Variants in AP2B1 observed in about 807,000 individuals in gnomAD.
The protein encoded by AP2B1 is AP-2 complex subunit beta.
In AP2B1, 23 loss-of-function variants were observed where a neutral mutation model predicts 102.0. The ratio of observed to expected loss-of-function variants is 0.23; its 90% CI spans 0.16 to 0.32. The LOEUF (loss-of-function observed/expected upper bound fraction) is 0.32. Ranked by LOEUF, AP2B1 falls within the 10% of genes least tolerant of loss-of-function variation. The pLI is 1.00. For synonymous variants in AP2B1, 381 were observed against 421.2 expected (o/e 0.90, Z 1.17); for missense variants, 541 against 1,157.4 (o/e 0.47, Z 7.73).
At position 35,725,077 on chromosome 17, in the gene AP2B1, T is replaced by C. The variant is rs914472181; in HGVS notation, c.*1378T>C. The C allele has an allele frequency of 2.0e-5, 3 of 152,232 alleles. No individual in the cohort carries two copies. In the East Asian group the frequency reaches 5.8e-4, roughly 29 times the overall value. 9.4% of individuals were successfully genotyped at this position (152,232 alleles called of 1,614,324 possible). Reference sequence around the variant, plus strand: ...TGCTCTTTCTTCATGATACTTAGTCTGCAGGGCATATTAAGATCATCCCAG... The same window carrying C: ...TGCTCTTTCTTCATGATACTTAGTCCGCAGGGCATATTAAGATCATCCCAG... On this transcript the variant is annotated 3_prime_UTR_variant, in exon 22 of 22. Coordinates refer to ENST00000610402, the MANE Select transcript of AP2B1 (RefSeq NM_001030006.2).
intron 18 of AP2B1, 49 bp from the exon 19 acceptor site, chr17:35,709,175 A>G (rs1555586209): frequency 3.3e-6 from 5 of 1,523,634 alleles, no homozygotes; most frequent in South Asian, 1.1e-5. Context: ...TTTTCCTCCT[A>G]CCTGGCTCCC....
chr17:35,622,192 T>A (rs1486446369), intron 5 of AP2B1, among the ~76,000 whole-genome samples: 2 of 152,206 alleles, frequency 1.3e-5, no homozygotes. Flanking sequence ...GTGGGCTAGA[T>A]AAGTTTTCCT....
At chr17:35,659,482 C>T (rs1172971363) in intron 14 of AP2B1, among the ~76,000 whole-genome samples, 1 of 152,236 alleles carries the variant, frequency 6.6e-6, no homozygotes, top group African/African-American at 2.4e-5. Flanking sequence ...TCATATTTTA[C>T]ATAGCTGCCC....
At chr17:35,605,326 G>A (rs1003202724) in intron 3 of AP2B1, among the ~76,000 whole-genome samples, 13 of 149,218 alleles carry the variant, frequency 8.7e-5, no homozygotes, top group African/African-American at 2.7e-4. Context: ...TCAGCTCACC[G>A]CAAACTCTGC....
chr17:35,615,494 C>G (rs1164838529), intron 5 of AP2B1, among the ~76,000 whole-genome samples: 1 of 152,160 alleles, frequency 6.6e-6, no homozygotes, highest in East Asian at 1.9e-4. Context: ...AAAATGCCAT[C>G]TGTCTAGATC....
rs1337572136 is a variant in AP2B1, at chr17:35,671,990, TAAATC to T, written c.2178+94_2178+98del. On this transcript the variant is annotated intron_variant, in intron 16 of 21. Coordinates refer to ENST00000610402, the MANE Select transcript of AP2B1 (RefSeq NM_001030006.2). ...ACATTTGTGTTACTTCTACTGGTAATAAATCAAAGGTTTGGGCCCTTGTTCTGGAG... is the reference window on the plus strand; with the variant it reads ...ACATTTGTGTTACTTCTACTGGTAATAAAGGTTTGGGCCCTTGTTCTGGAG... 6.2e-6 allele frequency: 9 copies of T among 1,458,980 alleles called. No individual in the cohort carries two copies. The Admixed American group carries it at 1.3e-4, about 21-fold the overall frequency. The allele number at this position is 1,458,980 out of a possible 1,614,324, so 90.4% of individuals were successfully genotyped here. A position where few individuals can be genotyped will look rare whatever the true frequency, so the allele number is the denominator to read the frequency against.
chr17:35,717,604 C>T (rs2085216554), intron 21 of AP2B1, among the ~76,000 whole-genome samples: 1 of 152,196 alleles, frequency 6.6e-6, no homozygotes, highest in Admixed American at 6.5e-5. Flanking sequence ...TACAGAGTTG[C>T]TCACAAAACT....
intron 18 of AP2B1, among the ~76,000 whole-genome samples, chr17:35,685,435 A>G (rs1249507516): frequency 6.6e-6 from 1 of 152,234 alleles, no homozygotes; most frequent in Admixed American, 6.5e-5. Flanking sequence ...AAAGCCAGGT[A>G]AAGATTGATC....
chr17:35,693,577 G>T (rs889632083), intron 18 of AP2B1, among the ~76,000 whole-genome samples: 1 of 152,114 alleles, frequency 6.6e-6, no homozygotes, highest in Admixed American at 6.6e-5. Context: ...AATCCATTTA[G>T]AAGGAGGGAC....
intron 2 of AP2B1, 38 bp from the exon 3 acceptor site, chr17:35,598,192 G>A: frequency 7.5e-7 from 1 of 1,338,188 alleles, no homozygotes; most frequent in Non-Finnish European, 1.1e-6. Context: ...TAAGTCTGTG[G>A]TACTGGAACC....
chr17:35,720,580 T>TTTTA (rs2085354950), intron 21 of AP2B1, among the ~76,000 whole-genome samples: 1 of 76,892 alleles, frequency 1.3e-5, no homozygotes, highest in African/African-American at 5.5e-5. Context: ...TATATTTTTT[T>TTTTA]TTTTTTTTTT....
intron 14 of AP2B1, among the ~76,000 whole-genome samples, chr17:35,663,712 T>A (rs112193282): frequency 1.3e-5 from 2 of 152,216 alleles, no homozygotes; most frequent in Non-Finnish European, 2.9e-5. Context: ...GTGTTACCAC[T>A]TAGAATGTAA....
At chr17:35,595,276 G>T (rs1336919770) in intron 2 of AP2B1, among the ~76,000 whole-genome samples, 1 of 152,214 alleles carries the variant, frequency 6.6e-6, no homozygotes, top group Non-Finnish European at 1.5e-5. Context: ...AGGCATGGTG[G>T]CTTATGCCTG....
At chr17:35,711,160 T>A (rs2076439179) in intron 20 of AP2B1, among the ~76,000 whole-genome samples, 2 of 152,200 alleles carry the variant, frequency 1.3e-5, no homozygotes, top group Admixed American at 1.3e-4. Context: ...CCTGCCTTTG[T>A]TTCACTGTTG....
At chr17:35,640,530 G>T (rs949105708) in intron 11 of AP2B1, among the ~76,000 whole-genome samples, 2 of 152,134 alleles carry the variant, frequency 1.3e-5, no homozygotes, top group Non-Finnish European at 2.9e-5. Context: ...GAGCCACCTT[G>T]CCTGGCCAGT....
chr17:35,651,140 T>C (rs1278822508), intron 13 of AP2B1: 2 of 199,348 alleles, frequency 1.0e-5, no homozygotes, highest in South Asian at 1.1e-4. Flanking sequence ...AACCCCATAG[T>C]TGAAAACTTG....
intron 9 of AP2B1, 106 bp downstream of exon 9, chr17:35,627,832 A>C: frequency 1.1e-6 from 1 of 914,996 alleles, no homozygotes; most frequent in Admixed American, 3.1e-5. Flanking sequence ...TAAAGCACAC[A>C]GTTTCAATGT....
At chr17:35,716,526 CTG>C (rs1198897824) in intron 20 of AP2B1, among the ~76,000 whole-genome samples, 3 of 151,906 alleles carry the variant, frequency 2.0e-5, no homozygotes, top group African/African-American at 7.3e-5. Flanking sequence ...TTCTCAAAAT[CTG>C]TGGTTGAGAC....
chr17:35,593,465 A>C (rs1299920914), intron 1 of AP2B1, among the ~76,000 whole-genome samples: 1 of 151,714 alleles, frequency 6.6e-6, no homozygotes, highest in South Asian at 2.1e-4. Context: ...AATTCCATGC[A>C]TAAGTCATGG....
Sources: gnomAD v4.1 joint callset for allele counts (sites outside exome capture counted in the v4.1 genomes callset) on GRCh38, gnomAD v4.1.1 for gene constraint, MANE v1.5 for transcripts, NCBI Gene and HGNC (gene_info 2026-07-23, HGNC 2026-07-21) for gene names.